SH3D19: variants seen among roughly 807,000 people sequenced by gnomAD.
SH3D19 encodes the protein SH3 domain-containing protein 19.
SH3D19 carries 58 observed loss-of-function variants against 112.1 expected under a neutral mutation model. That is an observed-to-expected ratio of 0.52 (90% CI 0.42 to 0.64). The LOEUF is 0.64. Among genes scored for constraint, SH3D19 ranks in the 30% least tolerant of loss-of-function variants. The probability of loss-of-function intolerance (pLI) is 0.00; values close to 1 mark genes in which losing one functional copy is unlikely to be tolerated. For missense variants in SH3D19, 1,090 were observed against 1,263.4 expected (o/e 0.86, Z 2.08); for synonymous variants, 391 against 448.5 (o/e 0.87, Z 1.62).
Position 151,148,103 on chromosome 4 carries a change from G to T in SH3D19, c.1901C>A (p.Ala634Glu), listed in dbSNP as rs1439188737. ...CAGTTTCTTATTAGATCTTCTGGTT[G>T]CAGAAAGCTTTGGGGGAGGTGGTCT... is the stretch of plus-strand genomic sequence containing the variant. ...PERPPPPKLS[A>E]TRRSNKKLPF... The change falls in exon 11 of 20, where the codon GCA becomes GAA. Residue 634 changes from alanine to glutamate, a missense_variant. Transcript: ENST00000604030. 1 of 1,614,122 alleles carries T rather than the reference G, an allele frequency of 6.2e-7. No homozygotes were observed. The highest frequency in any genetic ancestry group is 8.5e-7 in the Non-Finnish European group (1 of 1,180,018).
chr4:151,161,889 C>A (rs951526863), intron 8 of SH3D19, among the ~76,000 whole-genome samples: 1 of 151,572 alleles, frequency 6.6e-6, no homozygotes, highest in Non-Finnish European at 1.5e-5. Flanking sequence ...CTCAGCCTCC[C>A]AAGTAGCTGG....
At position 151,189,247 on chromosome 4, in the gene SH3D19, G is replaced by A. The variant is rs147669622; in HGVS notation, c.153-1784C>T. ...TCCTGCCTCAGCCTCCCAAGCAGCTGGGACTACAGGCACCCACCACCATGC... is the reference window on the plus strand; with the variant it reads ...TCCTGCCTCAGCCTCCCAAGCAGCTAGGACTACAGGCACCCACCACCATGC... On this transcript the variant is annotated intron_variant, in intron 2 of 19. Coordinates refer to ENST00000604030, the MANE Select transcript of SH3D19 (RefSeq NM_001378122.1). Among the ~76,000 whole-genome samples, 108 of 152,114 alleles carry A rather than the reference G, an allele frequency of 7.1e-4. No homozygotes were observed. The East Asian group carries it at 0.018, about 25-fold the overall frequency.
At chr4:151,135,007 T>C (rs1441839226) in intron 15 of SH3D19, 67 bp downstream of exon 15, 2 of 1,354,898 alleles carry the variant, frequency 1.5e-6, no homozygotes, top group Non-Finnish European at 2.1e-6. Context: ...TTAAGCTTGA[T>C]AATTCTTCAT....
intron 1 of SH3D19, chr4:151,277,317 T>C: frequency 9.8e-7 from 1 of 1,017,418 alleles, no homozygotes. Flanking sequence ...ACCCATGGGA[T>C]GTTAGTTATG....
chr4:151,306,669 T>G (rs936708750), intron 1 of SH3D19, among the ~76,000 whole-genome samples: 2 of 152,256 alleles, frequency 1.3e-5, no homozygotes, highest in Admixed American at 1.3e-4. Context: ...AAAACCCATG[T>G]GCTCAAGGAG....
At chr4:151,187,016 G>C (rs1165010591) in intron 3 of SH3D19, among the ~76,000 whole-genome samples, 1 of 150,920 alleles carries the variant, frequency 6.6e-6, no homozygotes, top group African/African-American at 2.4e-5. Flanking sequence ...GGATGGTCTT[G>C]ATCTCCTGAC....
At chr4:151,247,624 C>T (rs1361983241) in intron 1 of SH3D19, among the ~76,000 whole-genome samples, 1 of 152,158 alleles carries the variant, frequency 6.6e-6, no homozygotes, top group Non-Finnish European at 1.5e-5. Context: ...ACATTCCCAT[C>T]ACTCTAGAAA....
intron 1 of SH3D19, among the ~76,000 whole-genome samples, chr4:151,265,293 T>C (rs1320956605): frequency 6.6e-6 from 1 of 150,778 alleles, no homozygotes; most frequent in Non-Finnish European, 1.5e-5. Context: ...CTTGACACTG[T>C]GGAAAATGCT....
At chr4:151,308,195 C>A (rs1036437042) in intron 1 of SH3D19, among the ~76,000 whole-genome samples, 8 of 152,198 alleles carry the variant, frequency 5.3e-5, no homozygotes, top group Non-Finnish European at 1.2e-4. Flanking sequence ...CATGAGCCAC[C>A]ATGCCCAGCC....
chr4:151,277,283 T>C, intron 1 of SH3D19: 1 of 1,356,698 alleles, frequency 7.4e-7, no homozygotes, highest in Non-Finnish European at 9.9e-7. Flanking sequence ...AAAGAGGGCA[T>C]CACATAGAAC....
chr4:151,249,822 C>A (rs1771220969), intron 1 of SH3D19, among the ~76,000 whole-genome samples: 1 of 152,158 alleles, frequency 6.6e-6, no homozygotes, highest in South Asian at 2.1e-4. Context: ...CAAGTAAAGT[C>A]TTAAATTAAA....
chr4:151,127,135 T>C (rs960204409), intron 19 of SH3D19, among the ~76,000 whole-genome samples: 1 of 152,034 alleles, frequency 6.6e-6, no homozygotes, highest in African/African-American at 2.4e-5. Context: ...ATGGTCTCGA[T>C]CTCCTGACCT....
intron 1 of SH3D19, among the ~76,000 whole-genome samples, chr4:151,286,833 A>G (rs1416097263): frequency 2.0e-5 from 3 of 151,762 alleles, no homozygotes; most frequent in Non-Finnish European, 4.4e-5. Flanking sequence ...TACAAAAATT[A>G]GCCAGGCATG....
In SH3D19 at chr4:151,280,775, G is replaced by C. The variant is rs111502377; in HGVS notation, c.112+44466C>G. Reference sequence around the variant, plus strand: ...CACACATTCCAGCCTGGGCGACAGAGTGAGACCCTGTCTCTAAAAAAAAAA... The same window carrying C: ...CACACATTCCAGCCTGGGCGACAGACTGAGACCCTGTCTCTAAAAAAAAAA... On this transcript the variant is annotated intron_variant, in intron 1 of 19. Transcript: ENST00000604030. Among the ~76,000 whole-genome samples, 1,186 of 151,756 alleles carry C rather than the reference G, an allele frequency of 7.8e-3. 16 individuals are homozygous for C. Among genetic ancestry groups the C allele is most frequent in the African/African-American group, 0.028 (1,138 of 41,324 alleles).
In SH3D19 at chr4:151,132,352, T is replaced by C. The variant is rs1240767145; in HGVS notation, c.2721A>G (p.Glu907=). 1.2e-6 allele frequency: 2 copies of C among 1,613,874 alleles called. No homozygotes were observed. Among genetic ancestry groups the C allele is most frequent in the African/African-American group, 2.7e-5 (2 of 74,926 alleles). The change falls in exon 17 of 20, where the codon GAA becomes GAG. Residue 907 remains glutamate, a synonymous_variant. Coordinates refer to ENST00000604030, the MANE Select transcript of SH3D19 (RefSeq NM_001378122.1). ...STKVPLKTKK[E]DSGSNSQVNS... ...CTACCTGAGAGTTTGAGCCAGAATC[T>C]TCTTTTTTGGTTTTCAGTGGTACCT...
At chr4:151,282,435 G>C in intron 1 of SH3D19, 6 of 1,611,804 alleles carry the variant, frequency 3.7e-6, no homozygotes, top group Non-Finnish European at 5.1e-6. Context: ...CAGAGAGAAG[G>C]GTTGTTTCAT....
At chr4:151,243,257 G>C (rs1210523299) in intron 1 of SH3D19, among the ~76,000 whole-genome samples, 1 of 152,144 alleles carries the variant, frequency 6.6e-6, no homozygotes, top group Non-Finnish European at 1.5e-5. Context: ...CCAACTATTT[G>C]TAAGAAAAAT....
intron 1 of SH3D19, among the ~76,000 whole-genome samples, chr4:151,302,686 T>A (rs577721407): frequency 6.6e-6 from 1 of 152,232 alleles, no homozygotes; most frequent in South Asian, 2.1e-4. Context: ...TGGGTCTAAA[T>A]CTTTCATACT....
At chr4:151,212,853 G>C (rs1251783887) in intron 2 of SH3D19, among the ~76,000 whole-genome samples, 1 of 152,230 alleles carries the variant, frequency 6.6e-6, no homozygotes, top group African/African-American at 2.4e-5. Context: ...AACCTGGAAA[G>C]GATTCACCAT....
Sources: allele counts gnomAD v4.1 joint callset (sites outside exome capture counted in the v4.1 genomes callset), GRCh38; gene constraint gnomAD v4.1.1; transcripts MANE v1.5; gene names NCBI Gene and HGNC (gene_info 2026-07-23, HGNC 2026-07-21).